Variants in ZFAT observed in about 807,000 individuals in gnomAD.
ZFAT encodes zinc finger and AT-hook domain containing, also known as zinc finger protein ZFAT.
Under a neutral mutation model 117.7 loss-of-function variants are expected in ZFAT, and 64 were observed. The ratio of observed to expected loss-of-function variants is 0.54; its 90% CI spans 0.44 to 0.67. The LOEUF (loss-of-function observed/expected upper bound fraction) is 0.67. Ranked by LOEUF, ZFAT falls within the 30% of genes least tolerant of loss-of-function variation. ZFAT has a pLI of 0.00. For missense variants in ZFAT, 1,433 were observed against 1,584.5 expected (o/e 0.90, Z 1.62); for synonymous variants, 679 against 615.0 (o/e 1.10, Z -1.54).
the ZFAT span, among the ~76,000 whole-genome samples, chr8:134,725,025 C>A: frequency 6.6e-6 from 1 of 152,110 alleles, no homozygotes; most frequent in African/African-American, 2.4e-5. Context: ...AGAAAACAGC[C>A]CCCCATCTGC....
chr8:134,587,640 C>A (rs191586232), intron 9 of ZFAT, among the ~76,000 whole-genome samples: 1 of 152,160 alleles, frequency 6.6e-6, no homozygotes, highest in Non-Finnish European at 1.5e-5. Flanking sequence ...ACAAAGTTGA[C>A]GGTCTGTTGC....
chr8:134,655,305 A>C (rs779267780), intron 2 of ZFAT, among the ~76,000 whole-genome samples: 25 of 152,324 alleles, frequency 1.6e-4, no homozygotes, highest in Middle Eastern at 6.8e-3. Context: ...GACACTCATA[A>C]TTCTATGTGA....
intron 1 of ZFAT, among the ~76,000 whole-genome samples, chr8:134,688,262 C>T (rs1305505810): frequency 2.0e-5 from 3 of 152,212 alleles, no homozygotes. Context: ...GTTGCTTCTG[C>T]TGTCCTTTAA....
chr8:134,721,331 A>G, the ZFAT span, among the ~76,000 whole-genome samples: 1 of 152,134 alleles, frequency 6.6e-6, no homozygotes, highest in African/African-American at 2.4e-5. Context: ...ACCAGTGCCA[A>G]CTGCTGCACC....
chr8:134,661,489 T>C (rs1345167799), intron 1 of ZFAT, among the ~76,000 whole-genome samples: 1 of 151,998 alleles, frequency 6.6e-6, no homozygotes, highest in African/African-American at 2.4e-5. Context: ...AATGGCCCCA[T>C]CACATGGCTC....
the ZFAT span, among the ~76,000 whole-genome samples, chr8:134,734,969 A>T: frequency 2.0e-5 from 3 of 152,156 alleles, no homozygotes; most frequent in Non-Finnish European, 2.9e-5. Context: ...CTCAGTCTCC[A>T]GGGCCATGAA....
At chr8:134,754,807 C>A in the ZFAT span, among the ~76,000 whole-genome samples, 1 of 152,088 alleles carries the variant, frequency 6.6e-6, no homozygotes. Context: ...GGATGTGGGA[C>A]CCAATGAGAG....
At chr8:134,600,197 T>TA (rs1827297193) in intron 7 of ZFAT, 1 of 549,802 alleles carries the variant, frequency 1.8e-6, no homozygotes, top group Non-Finnish European at 3.2e-6. Flanking sequence ...TATCTGATGC[T>TA]AAAAAAATTT....
At chr8:134,583,701 T>C (rs7825462) in intron 10 of ZFAT, 131 bp downstream of exon 10, 201,848 of 1,132,362 alleles carry the variant, frequency 0.18, 19,302 homozygotes, top group Non-Finnish European at 0.2. Flanking sequence ...TCTTCACCGC[T>C]CTTCCAGAAG....
intron 15 of ZFAT, among the ~76,000 whole-genome samples, chr8:134,506,604 T>C (rs924226261): frequency 7.2e-5 from 11 of 152,206 alleles, no homozygotes; most frequent in Admixed American, 1.3e-4. Context: ...TCCCAGAAGC[T>C]GAAAACCCCA....
In ZFAT at chr8:134,588,245, C is replaced by T; in HGVS notation, c.2713+1G>A. 6.4e-7 allele frequency: 1 copy of T among 1,558,602 alleles called. No homozygotes were observed. Among genetic ancestry groups the T allele is most frequent in the Non-Finnish European group, 8.7e-7 (1 of 1,151,210 alleles). ...CCCAATTTGGAAAGATGAATACTCA[C>T]CTTCATGAGCCCAAATATGACGCTG... On this transcript the variant is annotated splice_donor_variant, in intron 9 of 15. Coordinates refer to ENST00000377838, the MANE Select transcript of ZFAT (RefSeq NM_020863.4). LOFTEE classifies it high-confidence loss of function.
chr8:134,692,281 T>C (rs1833621505), intron 1 of ZFAT, among the ~76,000 whole-genome samples: 1 of 152,202 alleles, frequency 6.6e-6, no homozygotes, highest in Admixed American at 6.5e-5. Flanking sequence ...TGACTCTTCA[T>C]CTATAAAATG....
At chr8:134,808,083 A>G in the ZFAT span, among the ~76,000 whole-genome samples, 1 of 152,220 alleles carries the variant, frequency 6.6e-6, no homozygotes, top group African/African-American at 2.4e-5. Context: ...TATTTTACAG[A>G]TGAAGAAGAA....
chr8:134,685,259 C>T (rs1392595581), intron 1 of ZFAT, among the ~76,000 whole-genome samples: 1 of 152,148 alleles, frequency 6.6e-6, no homozygotes, highest in East Asian at 1.9e-4. Context: ...ATTAAAAAGC[C>T]AGAACTTAAC....
the ZFAT span, among the ~76,000 whole-genome samples, chr8:134,731,548 G>T: frequency 1.1e-4 from 16 of 152,224 alleles, no homozygotes; most frequent in African/African-American, 3.9e-4. Flanking sequence ...GAAATAAATG[G>T]GCATGGCTGT....
rs761711412 is a variant in ZFAT at position 134,512,615 on chromosome 8, T to C, written c.3235-14A>G. On this transcript the variant is annotated splice_polypyrimidine_tract_variant and intron_variant, in intron 13 of 15. Coordinates refer to ENST00000377838, the MANE Select transcript of ZFAT (RefSeq NM_020863.4). ...TTCTGTTGCTGTCTAAATAAAAACA[T>C]AGTACCTAAGTCATCTCCTAAAAGA... 5.0e-6 allele frequency: 8 copies of C among 1,611,882 alleles called. No homozygotes were observed. Among genetic ancestry groups the C allele is most frequent in the East Asian group, 2.2e-5 (1 of 44,860 alleles).
chr8:134,817,437 A>AC, the ZFAT span, among the ~76,000 whole-genome samples: 2,316 of 83,972 alleles, frequency 0.028, 26 homozygotes, highest in Non-Finnish European at 0.043. Flanking sequence ...ACACACACAC[A>AC]ACGCACCCTT....
the ZFAT span, among the ~76,000 whole-genome samples, chr8:134,721,377 C>G: frequency 1.8e-4 from 28 of 152,290 alleles, no homozygotes; most frequent in South Asian, 5.6e-3. Flanking sequence ...ACTGATGCTG[C>G]TGTAAGAGGA....
At chr8:134,588,826 G>C (rs1030963082) in intron 8 of ZFAT, among the ~76,000 whole-genome samples, 1 of 152,182 alleles carries the variant, frequency 6.6e-6, no homozygotes, top group African/African-American at 2.4e-5. Flanking sequence ...GGGGAAATTG[G>C]GGAAATTTTA....
Sources: gnomAD v4.1 joint callset for allele counts (sites outside exome capture counted in the v4.1 genomes callset) on GRCh38, gnomAD v4.1.1 for gene constraint, MANE v1.5 for transcripts, NCBI Gene and HGNC (gene_info 2026-07-23, HGNC 2026-07-21) for gene names.